LINGO1: variants seen among roughly 807,000 people sequenced by gnomAD.
The protein encoded by LINGO1 is leucine-rich repeat and immunoglobulin-like domain-containing nogo receptor-interacting protein 1.
LINGO1 carries 11 observed loss-of-function variants against 37.3 expected under a neutral mutation model. The ratio of observed to expected loss-of-function variants is 0.29; its 90% confidence interval spans 0.19 to 0.49. The LOEUF (loss-of-function observed/expected upper bound fraction) is 0.49, where lower values mean the gene tolerates loss of function less well. Among genes scored for constraint, LINGO1 ranks in the 20% least tolerant of loss-of-function variants. LINGO1 has a pLI of 0.99. For missense variants in LINGO1, 585 were observed against 878.2 expected (o/e 0.67, Z 4.22); for synonymous variants, 387 against 403.0 (o/e 0.96, Z 0.48).
In LINGO1 at chr15:77,668,632, C is replaced by T. The variant is rs1406152654; in HGVS notation, c.-13+8457G>A. 5.9e-5 allele frequency among the ~76,000 whole-genome samples: 9 copies of T among 152,118 alleles called. No homozygotes were observed. In the East Asian group the frequency reaches 1.7e-3, roughly 29 times the overall value. ...CGACGCATGCGCAGGAATACATCCA[C>T]ATGGCAAGTTCATGACAGTGTGCAG... is the stretch of plus-strand genomic sequence containing the variant. On this transcript the variant is annotated intron_variant, in intron 3 of 3. Transcript: ENST00000559893.
chr15:77,739,727 G>A (rs1187482405), intron 1 of LINGO1, among the ~76,000 whole-genome samples: 1 of 152,232 alleles, frequency 6.6e-6, no homozygotes, highest in East Asian at 1.9e-4. Flanking sequence ...AGGAGGCCCA[G>A]CCCACCCACT....
chr15:77,617,938 C>T (rs1222246195), intron 1 of LINGO1, among the ~76,000 whole-genome samples: 10 of 152,184 alleles, frequency 6.6e-5, no homozygotes, highest in Admixed American at 6.5e-4. Context: ...CCCTTCAGCC[C>T]CTCTCATCCT....
At chr15:77,769,042 G>C (rs1393399997) in intron 1 of LINGO1, among the ~76,000 whole-genome samples, 1 of 152,170 alleles carries the variant, frequency 6.6e-6, no homozygotes, top group Non-Finnish European at 1.5e-5. Context: ...CTGCTGTCAG[G>C]GACAATTTAT....
intron 2 of LINGO1, chr15:77,707,612 G>C (rs1462226309): frequency 6.6e-6 from 1 of 152,282 alleles, no homozygotes; most frequent in Non-Finnish European, 1.5e-5. Context: ...TTCCCCAGAG[G>C]CTGCTGGGCA....
intron 1 of LINGO1, among the ~76,000 whole-genome samples, chr15:77,626,959 C>A (rs1038680497): frequency 7.1e-6 from 1 of 141,554 alleles, no homozygotes; most frequent in Non-Finnish European, 1.5e-5. Flanking sequence ...TCCCCGCCCC[C>A]CCAACCCCCC....
chr15:77,647,419 C>T (rs951234840), intron 3 of LINGO1, among the ~76,000 whole-genome samples: 2 of 151,762 alleles, frequency 1.3e-5, no homozygotes, highest in Non-Finnish European at 2.9e-5. Flanking sequence ...GGTGGGGGGA[C>T]AGAATCCCAG....
intron 3 of LINGO1, among the ~76,000 whole-genome samples, chr15:77,643,043 C>T (rs1005298169): frequency 2.0e-5 from 3 of 152,240 alleles, no homozygotes; most frequent in Non-Finnish European, 2.9e-5. Context: ...TCACACACAG[C>T]GCACTCTCTG....
chr15:77,746,299 G>T (rs759651333), intron 1 of LINGO1, among the ~76,000 whole-genome samples: 17 of 151,962 alleles, frequency 1.1e-4, no homozygotes, highest in Non-Finnish European at 1.9e-4. Flanking sequence ...AAGCAAAATG[G>T]GTATAAACAA....
upstream of LINGO1, among the ~76,000 whole-genome samples, chr15:77,699,928 A>C (rs1052688340): frequency 1.3e-5 from 2 of 152,220 alleles, no homozygotes; most frequent in Admixed American, 1.3e-4. Flanking sequence ...AATTCTGCCC[A>C]TTGGACCCAG....
At chr15:77,654,595 C>T (rs1596055190) in intron 3 of LINGO1, among the ~76,000 whole-genome samples, 1 of 151,928 alleles carries the variant, frequency 6.6e-6, no homozygotes, top group African/African-American at 2.4e-5. Context: ...TGTGGCCCAC[C>T]GGAGATGCTA....
At chr15:77,780,678 G>A (rs189037188) in intron 1 of LINGO1, among the ~76,000 whole-genome samples, 5 of 152,166 alleles carry the variant, frequency 3.3e-5, no homozygotes, top group Admixed American at 1.3e-4. Context: ...GAGTAAGGAG[G>A]TAATTAAGGT....
At chr15:77,809,855 G>A (rs770979901) in intron 1 of LINGO1, among the ~76,000 whole-genome samples, 2 of 152,154 alleles carry the variant, frequency 1.3e-5, no homozygotes, top group Non-Finnish European at 2.9e-5. Flanking sequence ...TGAGCCACTC[G>A]TCCGAGGTGA....
At chr15:77,633,586 C>T (rs1273680243), upstream of LINGO1, among the ~76,000 whole-genome samples, 1 of 152,182 alleles carries the variant, frequency 6.6e-6, no homozygotes. Flanking sequence ...GCCGGGGTCC[C>T]CGCCCAGCCT....
intron 2 of LINGO1, among the ~76,000 whole-genome samples, chr15:77,725,891 C>A (rs117104971): frequency 0.035 from 5,406 of 152,292 alleles, 150 homozygotes; most frequent in Non-Finnish European, 0.053. Flanking sequence ...GTACATAGAG[C>A]GGCCGCCCCA....
chr15:77,704,550 G>T (rs1442516747), intron 2 of LINGO1, among the ~76,000 whole-genome samples: 2 of 150,014 alleles, frequency 1.3e-5, no homozygotes, highest in African/African-American at 5.0e-5. Context: ...CACACACTGA[G>T]CCCCAACCCT....
At chr15:77,696,833 C>T (rs2075702246), upstream of LINGO1, among the ~76,000 whole-genome samples, 1 of 152,258 alleles carries the variant, frequency 6.6e-6, no homozygotes, top group African/African-American at 2.4e-5. Flanking sequence ...GGTACCGGGG[C>T]CTGCCCCAAT....
chr15:77,798,677 G>A (rs943523231), intron 1 of LINGO1, among the ~76,000 whole-genome samples: 31 of 152,228 alleles, frequency 2.0e-4, no homozygotes, highest in African/African-American at 7.0e-4. Context: ...AACCCCAGCT[G>A]CAGGCCTCAC....
At chr15:77,621,277 A>C (rs1465024627) in intron 1 of LINGO1, among the ~76,000 whole-genome samples, 2 of 151,168 alleles carry the variant, frequency 1.3e-5, no homozygotes, top group East Asian at 1.9e-4. Context: ...CTGGTCTTGA[A>C]CTCCTGAACT....
intron 1 of LINGO1, among the ~76,000 whole-genome samples, chr15:77,780,465 T>C (rs1211842398): frequency 6.6e-6 from 1 of 151,916 alleles, no homozygotes; most frequent in Non-Finnish European, 1.5e-5. Flanking sequence ...AGCTACAGTG[T>C]CATTATGGAG....
Sources: gnomAD v4.1 joint callset for allele counts (sites outside exome capture counted in the v4.1 genomes callset) on GRCh38, gnomAD v4.1.1 for gene constraint, MANE v1.5 for transcripts, NCBI Gene and HGNC (gene_info 2026-07-23, HGNC 2026-07-21) for gene names.